TRIM3: variants seen among roughly 807,000 people sequenced by gnomAD.
The protein encoded by TRIM3 is tripartite motif containing 3.
TRIM3 carries 13 observed loss-of-function variants against 66.6 expected under a neutral mutation model. That is an observed-to-expected ratio of 0.20 (90% CI 0.13 to 0.31). The LOEUF (loss-of-function observed/expected upper bound fraction) is 0.31, where lower values mean the gene tolerates loss of function less well. Among genes scored for constraint, TRIM3 ranks in the 10% least tolerant of loss-of-function variants. TRIM3 has a pLI of 1.00. For synonymous variants in TRIM3, 406 were observed against 411.7 expected (o/e 0.99, Z 0.17); for missense variants, 711 against 1,020.4 (o/e 0.70, Z 4.13).
chr11:6,461,416 A>G (rs1850231493), intron 2 of TRIM3, among the ~76,000 whole-genome samples: 1 of 151,632 alleles, frequency 6.6e-6, no homozygotes. Flanking sequence ...TGCTAACCTA[A>G]TGGTTGCCCC....
At chr11:6,464,642 G>T (rs1359021032) in intron 2 of TRIM3, among the ~76,000 whole-genome samples, 14 of 152,128 alleles carry the variant, frequency 9.2e-5, no homozygotes, top group Admixed American at 6.6e-5. Flanking sequence ...TTCTATGCTT[G>T]TGTAACAATG....
rs760181903 is a variant in TRIM3, at chr11:6,457,513, G to T, written c.516-37C>A. On this transcript the variant is annotated intron_variant, in intron 4 of 11. Transcript: ENST00000345851. This position sits in a 1 kb window ranked among gnomAD's most constrained non-coding sequence, Gnocchi z 4.5. Reference sequence around the variant, plus strand: ...ATATCTCATTCCAGAGTTGCTGAGGGTGGCTTTGCCGAACTTTCCCTTCTC... The same window carrying T: ...ATATCTCATTCCAGAGTTGCTGAGGTTGGCTTTGCCGAACTTTCCCTTCTC... 19 of 1,600,878 alleles carry T rather than the reference G, an allele frequency of 1.2e-5. 1 individual carries two copies. In the South Asian group the frequency reaches 2.0e-4, roughly 17 times the overall value.
chr11:6,451,137 A>C, intron 8 of TRIM3, 77 bp from the exon 9 acceptor site: 1 of 1,595,666 alleles, frequency 6.3e-7, no homozygotes, highest in Non-Finnish European at 8.6e-7. Flanking sequence ...CCAAAGCAGA[A>C]TCTTGGGCTG....
rs780179383 is a variant in TRIM3 at position 6,456,425 on chromosome 11, C to T, written c.1301G>A (p.Arg434His). The change falls in exon 6 of 12, where the codon CGT (arginine) becomes CAT (histidine). Residue 434 changes from arginine to histidine, a missense_variant. By Grantham distance (29) the Arg-to-His change is conservative (BLOSUM62 0). Around this residue, in one of 3 missense-constraint regions of TRIM3, gnomAD observed 399 missense variants for 458.1 expected, o/e 0.87. Coordinates refer to ENST00000345851, the MANE Select transcript of TRIM3 (RefSeq NM_033278.4). This position sits in a 1 kb window ranked among gnomAD's most constrained non-coding sequence, Gnocchi z 6.4. ...LPPSPDDVKR[R>H]VKSPGGPGSH... ...GCCGGGGCCGCCAGGGGACTTGACA[C>T]GGCGCTTCACATCGTCCGGGGAAGG... The T allele has an allele frequency of 2.2e-5, 33 of 1,533,834 alleles. No individual in the cohort carries two copies. Among genetic ancestry groups the T allele is most frequent in the Non-Finnish European group, 2.7e-5 (31 of 1,138,114 alleles).
At chr11:6,459,724 A>C (rs1202655334) in intron 2 of TRIM3, among the ~76,000 whole-genome samples, 1 of 152,184 alleles carries the variant, frequency 6.6e-6, no homozygotes, top group Non-Finnish European at 1.5e-5. Flanking sequence ...GGAAGGTGGG[A>C]GGTGTTGTCT....
intron 1 of TRIM3, among the ~76,000 whole-genome samples, chr11:6,473,528 A>G (rs1850792616): frequency 6.6e-6 from 1 of 151,880 alleles, no homozygotes; most frequent in Non-Finnish European, 1.5e-5. Context: ...CCGCCAACAC[A>G]CACAAGCTCC....
At chr11:6,473,316 C>T (rs974934130) in intron 1 of TRIM3, 2 of 146,662 alleles carry the variant, frequency 1.4e-5, no homozygotes, top group Non-Finnish European at 3.0e-5. Flanking sequence ...GAAAGGGTGT[C>T]CTCCATCCTG....
At chr11:6,465,463 A>G in intron 2 of TRIM3, 102 bp downstream of exon 2, 4 of 1,442,384 alleles carry the variant, frequency 2.8e-6, no homozygotes, top group Non-Finnish European at 3.8e-6. Context: ...TGCCTCACCT[A>G]CTACAGGTTT....
chr11:6,463,658 T>C (rs1303654752), intron 2 of TRIM3, among the ~76,000 whole-genome samples: 1 of 152,126 alleles, frequency 6.6e-6, no homozygotes, highest in Non-Finnish European at 1.5e-5. Flanking sequence ...GATATCTATA[T>C]TGTATCGAAA....
intron 2 of TRIM3, among the ~76,000 whole-genome samples, chr11:6,459,358 A>G (rs927605058): frequency 1.3e-5 from 2 of 152,208 alleles, no homozygotes; most frequent in Admixed American, 6.5e-5. Flanking sequence ...AGCCAGGTTT[A>G]TATTTTACCA....
Position 6,457,270 on chromosome 11 carries a change from T to C in TRIM3, c.696+26A>G, listed in dbSNP as rs1486913121. ...ATAACACCATCACAATGGACGATGG[T>C]AGGAAAGGGTGAACACAAGACACAC... On this transcript the variant is annotated intron_variant, in intron 5 of 11. Coordinates refer to ENST00000345851, the MANE Select transcript of TRIM3 (RefSeq NM_033278.4). The surrounding 1 kb of genome is among the most constrained non-coding windows in gnomAD (Gnocchi z 4.5). 1 of 1,610,966 alleles carries C rather than the reference T, an allele frequency of 6.2e-7. No individual in the cohort carries two copies. The highest frequency in any genetic ancestry group is 8.5e-7 in the Non-Finnish European group (1 of 1,178,198).
rs534359029 is a variant in TRIM3 at position 6,467,316 on chromosome 11, T to C, written c.-37-1584A>G. ...AGGGAGTCAGGAAGGGAAATCATTCTAGGCTGAAGAAACAGCATGATAAAG... is the reference window on the plus strand; with the variant it reads ...AGGGAGTCAGGAAGGGAAATCATTCCAGGCTGAAGAAACAGCATGATAAAG... On this transcript the variant is annotated intron_variant, in intron 1 of 11. Coordinates refer to ENST00000345851, the MANE Select transcript of TRIM3 (RefSeq NM_033278.4). Among the ~76,000 whole-genome samples the C allele has an allele frequency of 1.5e-4, 23 of 152,302 alleles. No individual in the cohort carries two copies. The South Asian group carries it at 3.7e-3, about 25-fold the overall frequency.
chr11:6,448,702 C>T lies in TRIM3; in HGVS notation c.*326G>A. 1 of 599,166 alleles carries T rather than the reference C, an allele frequency of 1.7e-6. No homozygotes were observed. Among genetic ancestry groups the T allele is most frequent in the East Asian group, 2.8e-5 (1 of 35,974 alleles). The allele number at this position is 599,166 out of a possible 1,614,324, so 37.1% of individuals were successfully genotyped here. A position where few individuals can be genotyped will look rare whatever the true frequency, so the allele number is the denominator to read the frequency against. ...GGTGGTAGGGAGACAACTAGAGGGA[C>T]TCCTGTCCTGGGGTAGGCTGTTCTG... On this transcript the variant is annotated 3_prime_UTR_variant, in exon 12 of 12. Coordinates refer to ENST00000345851, the MANE Select transcript of TRIM3 (RefSeq NM_033278.4).
At chr11:6,463,236 C>CA (rs1054370819) in intron 2 of TRIM3, among the ~76,000 whole-genome samples, 16 of 150,468 alleles carry the variant, frequency 1.1e-4, no homozygotes, top group African/African-American at 3.7e-4. Context: ...AAAAACAAAC[C>CA]AAAAAAAATT....
intron 2 of TRIM3, among the ~76,000 whole-genome samples, chr11:6,459,615 T>C (rs981976277): frequency 2.2e-4 from 34 of 152,332 alleles, no homozygotes; most frequent in African/African-American, 7.5e-4. Context: ...CAGCATACTC[T>C]TACAATCATC....
At chr11:6,468,810 T>C (rs938163300) in intron 1 of TRIM3, among the ~76,000 whole-genome samples, 2 of 152,206 alleles carry the variant, frequency 1.3e-5, no homozygotes, top group Non-Finnish European at 2.9e-5. Flanking sequence ...CAGGTCACCA[T>C]TGTCTGTGCT....
At chr11:6,467,005 C>T (rs186341297) in intron 1 of TRIM3, among the ~76,000 whole-genome samples, 2 of 152,186 alleles carry the variant, frequency 1.3e-5, no homozygotes, top group Admixed American at 1.3e-4. Flanking sequence ...TCTATATTTA[C>T]TGAATTGATT....
chr11:6,448,886 T>G lies in TRIM3; in HGVS notation c.*142A>C. The G allele has an allele frequency of 1.0e-6, 1 of 979,730 alleles. No individual in the cohort carries two copies. Among genetic ancestry groups the G allele is most frequent in the Non-Finnish European group, 1.6e-6 (1 of 637,038 alleles). 60.7% of individuals were successfully genotyped at this position (979,730 alleles called of 1,614,324 possible). Reference sequence around the variant, plus strand: ...TAAAGTGCAACCGTGGGGGTGGGGGTAGGAGAGGGAGGGCACCGGGTGCAC... The same window carrying G: ...TAAAGTGCAACCGTGGGGGTGGGGGGAGGAGAGGGAGGGCACCGGGTGCAC... On this transcript the variant is annotated 3_prime_UTR_variant, in exon 12 of 12. Coordinates refer to ENST00000345851, the MANE Select transcript of TRIM3 (RefSeq NM_033278.4).
rs1850426914 is a variant in TRIM3, at chr11:6,465,562, C to T, written c.131+3G>A. The stretch of plus-strand genomic sequence containing the variant: ...TCCCTCCCCAGTACACACATCCCCT[C>T]ACCTCTCACAGAAGGTGTGCAGGCA... On this transcript the variant is annotated splice_donor_region_variant and intron_variant, in intron 2 of 11. Transcript: ENST00000345851. The T allele has an allele frequency of 6.2e-7, 1 of 1,614,138 alleles. No homozygotes were observed. The highest frequency in any genetic ancestry group is 8.5e-7 in the Non-Finnish European group (1 of 1,179,994).
Sources: allele counts gnomAD v4.1 joint callset (sites outside exome capture counted in the v4.1 genomes callset), GRCh38; gene constraint gnomAD v4.1.1; regional missense constraint gnomAD v4.1.1; non-coding constraint Gnocchi (gnomAD v3.1); transcripts MANE v1.5; gene names NCBI Gene and HGNC (gene_info 2026-07-23, HGNC 2026-07-21).